The following TUBE1 variants were observed in gnomAD, a reference collection of about 807,000 sequenced individuals.
TUBE1 encodes tubulin epsilon 1.
TUBE1 carries 34 observed loss-of-function variants against 53.5 expected under a neutral mutation model. That is an observed-to-expected ratio of 0.64 (90% CI 0.48 to 0.85). The LOEUF (loss-of-function observed/expected upper bound fraction) is 0.85. Among genes scored for constraint, TUBE1 ranks in the 40% least tolerant of loss-of-function variants. The pLI is 0.00. For missense variants in TUBE1, 532 were observed against 570.5 expected (o/e 0.93, Z 0.69); for synonymous variants, 177 against 198.4 (o/e 0.89, Z 0.91).
chr6:112,079,391 A>G, intron 6 of TUBE1: 1 of 325,332 alleles, frequency 3.1e-6, no homozygotes, highest in Non-Finnish European at 5.5e-6. Flanking sequence ...TTTCCAGTAT[A>G]GTTCTGTTGA....
chr6:112,085,224 GT>G (rs1488903396), intron 3 of TUBE1: 1 of 152,920 alleles, frequency 6.5e-6, no homozygotes. Context: ...CAAAGATATG[GT>G]TTTACTTTGA....
chr6:112,081,135 T>C lies in TUBE1; in HGVS notation c.283A>G (p.Thr95Ala). The change falls in exon 5 of 12, where the codon ACG becomes GCG. Residue 95 changes from threonine (T) to alanine (A), a missense_variant. By Grantham distance (58) the Thr-to-Ala change is moderately conservative. Coordinates refer to ENST00000368662, the MANE Select transcript of TUBE1 (RefSeq NM_016262.5). ...GAAATATCAGTGATGAGCTGTTTCGTATCAAATACATCTCTCAGTGGTCCC... is the reference window on the plus strand; with the variant it reads ...GAAATATCAGTGATGAGCTGTTTCGCATCAAATACATCTCTCAGTGGTCCC... ...LQGPLRDVFD[T>A]KQLITDISGS... is the part of the protein sequence containing the mutation. 6.2e-7 allele frequency: 1 copy of C among 1,609,990 alleles called. No homozygotes were observed. Among genetic ancestry groups the C allele is most frequent in the African/African-American group, 1.3e-5 (1 of 74,996 alleles).
chr6:112,086,378 C>T (rs1554317319), intron 3 of TUBE1, among the ~76,000 whole-genome samples, 178 bp downstream of exon 3: 2 of 152,156 alleles, frequency 1.3e-5, no homozygotes, highest in African/African-American at 4.8e-5. Context: ...AATCTGTTGT[C>T]TTCTTCGGGA....
chr6:112,075,093 G>A (rs1554315870), intron 8 of TUBE1: 1 of 191,856 alleles, frequency 5.2e-6, no homozygotes. Flanking sequence ...TTGAGACAGG[G>A]TCTCGCTCTG....
Position 112,072,048 on chromosome 6 carries a change from A to C in TUBE1, c.1123T>G (p.Trp375Gly). The change falls in exon 11 of 12, where the codon TGG (tryptophan) becomes GGG (glycine). Residue 375 changes from tryptophan to glycine, a missense_variant. Trp to Gly is a radical substitution (Grantham distance 184). Coordinates refer to ENST00000368662, the MANE Select transcript of TUBE1 (RefSeq NM_016262.5). ...CTGGTCTTCCAGCCTTCTTGATTCCAGGAGACAAATTGTAGAGATGGTTTT... is the reference window on the plus strand; with the variant it reads ...CTGGTCTTCCAGCCTTCTTGATTCCCGGAGACAAATTGTAGAGATGGTTTT... ...RLKPSLQFVS[W>G]NQEGWKTSLC... 1 of 1,602,024 alleles carries C rather than the reference A, an allele frequency of 6.2e-7. No individual in the cohort carries two copies. The highest frequency in any genetic ancestry group is 8.5e-7 in the Non-Finnish European group (1 of 1,176,316).
chr6:112,076,497 C>A lies in TUBE1; in HGVS notation c.461G>T (p.Gly154Val). ...CACCTTTAAAAGAAATGTGCCAAGT[C>A]CAGATCCTGTTCCTGAGGATTAAAG... is the stretch of plus-strand genomic sequence containing the variant. ...IHSMGGGTGS[G>V]LGTFLLKVLE... The change falls in exon 7 of 12, where the codon GGA becomes GTA. Residue 154 changes from glycine to valine, a missense_variant. By Grantham distance (109) the Gly-to-Val change is moderately radical. Coordinates refer to ENST00000368662, the MANE Select transcript of TUBE1 (RefSeq NM_016262.5). The A allele has an allele frequency of 6.3e-7, 1 of 1,599,740 alleles. No homozygotes were observed. The highest frequency in any genetic ancestry group is 8.5e-7 in the Non-Finnish European group (1 of 1,174,282).
At chr6:112,083,212 G>A (rs940950841) in intron 4 of TUBE1, among the ~76,000 whole-genome samples, 9 of 151,510 alleles carry the variant, frequency 5.9e-5, no homozygotes, top group Non-Finnish European at 7.4e-5. Flanking sequence ...CAAGGACATC[G>A]GAGATTGCAG....
chr6:112,071,324 C>T lies in TUBE1; in HGVS notation c.*88G>A. ...AATATTTCCCGATAATATGAAAAAA[C>T]TGGAGTTTCCAAATTACAAAAATGT... On this transcript the variant is annotated 3_prime_UTR_variant, in exon 12 of 12. Transcript: ENST00000368662. 2.4e-6 allele frequency: 3 copies of T among 1,251,950 alleles called. No homozygotes were observed. The highest frequency in any genetic ancestry group is 3.2e-6 in the Non-Finnish European group (3 of 945,994). The allele number at this position is 1,251,950 out of a possible 1,614,324, so 77.6% of individuals were successfully genotyped here.
Position 112,071,517 on chromosome 6 carries a change from T to C in TUBE1, c.1323A>G (p.Thr441=), listed in dbSNP as rs781966602. Reference sequence around the variant, plus strand: ...GTGCTGATAAAGATGACACAGCTTCTGTGAAACAGCTTTCTTCCATCCCTT... The same window carrying C: ...GTGCTGATAAAGATGACACAGCTTCCGTGAAACAGCTTTCTTCCATCCCTT... ...QVEGMEESCF[T]EAVSSLSALI... The change falls in exon 12 of 12, where the codon ACA becomes ACG. Residue 441 remains threonine, a synonymous_variant. Transcript: ENST00000368662. 17 of 1,612,512 alleles carry C rather than the reference T, an allele frequency of 1.1e-5. No homozygotes were observed. The Admixed American group carries it at 2.3e-4, about 22-fold the overall frequency.
chr6:112,076,251 T>G (rs936927704), intron 7 of TUBE1, 71 bp downstream of exon 7: 1 of 1,471,336 alleles, frequency 6.8e-7, no homozygotes, highest in Middle Eastern at 2.5e-4. Flanking sequence ...ACGTTTCATA[T>G]AAACACACAT....
chr6:112,079,161 T>TC (rs1554316407), intron 6 of TUBE1, among the ~76,000 whole-genome samples: 1 of 151,968 alleles, frequency 6.6e-6, no homozygotes, highest in African/African-American at 2.4e-5. Context: ...TCCTTTTTTT[T>TC]CTCTTTTTGG....
chr6:112,087,472 C>A lies in TUBE1; in HGVS notation c.-38G>T, dbSNP rs1405670096. 1 of 1,547,834 alleles carries A rather than the reference C, an allele frequency of 6.5e-7. No homozygotes were observed. The stretch of plus-strand genomic sequence containing the variant: ...CCGGCTCCGGGAGCTTGCTAGCCCG[C>A]GGCCGCTTCTGCATTCCCCCAGCAA... On this transcript the variant is annotated 5_prime_UTR_variant, in exon 1 of 12. Coordinates refer to ENST00000368662, the MANE Select transcript of TUBE1 (RefSeq NM_016262.5).
intron 7 of TUBE1, 64 bp from the exon 8 acceptor site, chr6:112,076,176 T>C: frequency 6.7e-7 from 1 of 1,496,612 alleles, no homozygotes; most frequent in Non-Finnish European, 9.0e-7. Flanking sequence ...GATATTCTAC[T>C]AGGAAAGAGA....
At chr6:112,082,806 T>G (rs1455971716) in intron 4 of TUBE1, among the ~76,000 whole-genome samples, 1 of 152,168 alleles carries the variant, frequency 6.6e-6, no homozygotes, top group Non-Finnish European at 1.5e-5. Flanking sequence ...TTTATAAAAT[T>G]CTGAGTATTT....
intron 2 of TUBE1, 23 bp downstream of exon 2, chr6:112,087,210 G>T: frequency 6.5e-7 from 1 of 1,548,714 alleles, no homozygotes; most frequent in Non-Finnish European, 8.7e-7. Flanking sequence ...CAGGCGAGGG[G>T]GCTCGCGGCG....
rs150008628 is a variant in TUBE1, at chr6:112,072,832, G to A, written c.1020C>T (p.His340=). ...TGAGTGCACAGGCGAGGTAAAGACT[G>A]TGTTTGGGGTCTGCCCGAAGCAGCT... ...DHQLLRADPK[H]SLYLACALMV... is the part of the protein sequence containing the mutation. The change falls in exon 10 of 12, where the codon CAC becomes CAT. Residue 340 remains histidine (H), a synonymous_variant. Transcript: ENST00000368662. 522 of 1,613,688 alleles carry A rather than the reference G, an allele frequency of 3.2e-4. 1 individual carries two copies. The African/African-American group carries it at 6.6e-3, about 20-fold the overall frequency.
intron 4 of TUBE1, chr6:112,083,801 G>A (rs587629351): frequency 1.2e-5 from 2 of 164,476 alleles, no homozygotes; most frequent in South Asian, 1.8e-4. Flanking sequence ...TATGGTGAAT[G>A]GTTTTTATTC....
chr6:112,085,970 T>C (rs1777147745), intron 3 of TUBE1, among the ~76,000 whole-genome samples: 1 of 152,232 alleles, frequency 6.6e-6, no homozygotes, highest in African/African-American at 2.4e-5. Context: ...CTAGAACTGA[T>C]GTTCCTATTG....
chr6:112,087,428 G>T lies in TUBE1; in HGVS notation c.7C>A (p.Gln3Lys). 1 of 1,550,762 alleles carries T rather than the reference G, an allele frequency of 6.4e-7. No individual in the cohort carries two copies. Among genetic ancestry groups the T allele is most frequent in the Non-Finnish European group, 8.7e-7 (1 of 1,146,436 alleles). The change falls in exon 1 of 12, where the codon CAG (glutamine) becomes AAG (lysine). Residue 3 changes from glutamine to lysine, a missense_variant. Physicochemically the swap from Gln to Lys is moderately conservative, Grantham distance 53. Coordinates refer to ENST00000368662, the MANE Select transcript of TUBE1 (RefSeq NM_016262.5). MTQSVVVQVGQCG... is the reference protein window; with the variant it reads MTKSVVVQVGQCG... ...AGCTTACCCTGTACGACCACCGACT[G>T]GGTCATGGTGGTGCGCCGCCGGCTC...
Sources: gnomAD v4.1 joint callset for allele counts (sites outside exome capture counted in the v4.1 genomes callset) on GRCh38, gnomAD v4.1.1 for gene constraint, MANE v1.5 for transcripts, NCBI Gene and HGNC (gene_info 2026-07-23, HGNC 2026-07-21) for gene names.